The following GABRG3 variants were observed in gnomAD, a reference collection of about 807,000 sequenced individuals.
GABRG3 encodes gamma-aminobutyric acid type A receptor subunit gamma3.
In GABRG3, 25 loss-of-function variants were observed where a neutral mutation model predicts 48.8. That is an observed-to-expected ratio of 0.51 (90% CI 0.37 to 0.72). The LOEUF is 0.72. GABRG3 is among the 30% of genes least tolerant of loss of function. The pLI is 0.00. For synonymous variants in GABRG3, 227 were observed against 217.6 expected, an observed-to-expected ratio of 1.04 and a Z score of -0.38; for missense variants, 394 against 577.9, an observed-to-expected ratio of 0.68 and a Z score of 3.26.
At chr15:27,354,201 A>C (rs1894755144) in intron 5 of GABRG3, among the ~76,000 whole-genome samples, 1 of 152,210 alleles carries the variant, frequency 6.6e-6, no homozygotes, top group South Asian at 2.1e-4. Context: ...CCCAGGTAGC[A>C]TGGTGAGCTA....
At chr15:27,500,594 C>A (rs1017346755) in intron 6 of GABRG3, among the ~76,000 whole-genome samples, 1 of 152,228 alleles carries the variant, frequency 6.6e-6, no homozygotes, top group African/African-American at 2.4e-5. Flanking sequence ...CTTATATTCC[C>A]AGCCCCTAAG....
chr15:27,041,270 C>T (rs1194401621), intron 3 of GABRG3, among the ~76,000 whole-genome samples: 1 of 152,160 alleles, frequency 6.6e-6, no homozygotes, highest in Admixed American at 6.5e-5. Context: ...GCAACCTCCT[C>T]CTCCCAGACT....
intron 5 of GABRG3, among the ~76,000 whole-genome samples, chr15:27,343,526 T>G (rs1894262110): frequency 6.6e-6 from 1 of 152,222 alleles, no homozygotes; most frequent in Admixed American, 6.5e-5. Flanking sequence ...ATGTCTCCTG[T>G]GGGCTACTGA....
chr15:27,308,279 A>G (rs1409857365), intron 3 of GABRG3, among the ~76,000 whole-genome samples: 1 of 137,748 alleles, frequency 7.3e-6, no homozygotes, highest in Non-Finnish European at 1.5e-5. Context: ...CATAATATAA[A>G]CATACGTTTA....
intron 5 of GABRG3, among the ~76,000 whole-genome samples, chr15:27,478,617 T>C (rs1890019020): frequency 6.6e-6 from 1 of 152,206 alleles, no homozygotes; most frequent in African/African-American, 2.4e-5. Flanking sequence ...TAAATGTAGT[T>C]ACCCAGACTC....
At chr15:27,501,942 T>C (rs11074285) in intron 6 of GABRG3, among the ~76,000 whole-genome samples, 96,125 of 151,956 alleles carry the variant, frequency 0.63, 30,744 homozygotes, top group African/African-American at 0.69. Flanking sequence ...GAGTCTTGCA[T>C]ACCCATGTTG....
intron 3 of GABRG3, among the ~76,000 whole-genome samples, chr15:27,055,969 A>T (rs140846398): frequency 6.6e-5 from 10 of 152,350 alleles, no homozygotes; most frequent in African/African-American, 2.4e-4. Context: ...ACTTTGATAC[A>T]TGTATACATT....
At chr15:27,277,418 G>A (rs1341352762) in intron 3 of GABRG3, among the ~76,000 whole-genome samples, 1 of 152,136 alleles carries the variant, frequency 6.6e-6, no homozygotes, top group Non-Finnish European at 1.5e-5. Context: ...GTACAAACTA[G>A]TTTATATTGT....
chr15:27,330,697 A>G (rs1456156251), intron 5 of GABRG3, among the ~76,000 whole-genome samples: 2 of 152,256 alleles, frequency 1.3e-5, no homozygotes, highest in Non-Finnish European at 2.9e-5. Context: ...AAATTCTTAA[A>G]GACAATTCAC....
At position 27,228,379 on chromosome 15, in the gene GABRG3, C is replaced by T. The variant is rs780194210; in HGVS notation, c.271-98430C>T. 1.1e-3 allele frequency among the ~76,000 whole-genome samples: 161 copies of T among 152,232 alleles called. 1 individual carries two copies. The highest frequency in any genetic ancestry group is 2.0e-3 in the Non-Finnish European group (134 of 68,014). On this transcript the variant is annotated intron_variant, in intron 3 of 9. Coordinates refer to ENST00000615808, the MANE Select transcript of GABRG3 (RefSeq NM_033223.5). ...TAGCCTCCAGCTCCATGCATGTTCC[C>T]GCAAAAGACATGTTCTCATTCTTTT... is the stretch of plus-strand genomic sequence containing the variant.
In GABRG3 at chr15:27,135,571, C is replaced by A. The variant is rs564517807; in HGVS notation, c.270+108750C>A. ...TTGTATGAGCTAGGGCAAATAATGT[C>A]AAATTTTTAGCACTGACTTGAGGGT... On this transcript the variant is annotated intron_variant, in intron 3 of 9. Transcript: ENST00000615808. 4.6e-5 allele frequency among the ~76,000 whole-genome samples: 7 copies of A among 152,206 alleles called. No individual in the cohort carries two copies. The South Asian group carries it at 1.5e-3, about 32-fold the overall frequency.
intron 3 of GABRG3, among the ~76,000 whole-genome samples, chr15:27,256,899 G>A (rs1890638008): frequency 6.6e-6 from 1 of 152,188 alleles, no homozygotes; most frequent in Non-Finnish European, 1.5e-5. Flanking sequence ...GACGTCTCCT[G>A]GACATACTGA....
Position 27,349,144 on chromosome 15 carries a change from G to A in GABRG3, c.574+20256G>A, listed in dbSNP as rs534893655. ...TGACTTCAGTATTTGATGTTCATATGATTGGATAATGATAAAATAAGTTGC... is the reference window on the plus strand; with the variant it reads ...TGACTTCAGTATTTGATGTTCATATAATTGGATAATGATAAAATAAGTTGC... On this transcript the variant is annotated intron_variant, in intron 5 of 9. Coordinates refer to ENST00000615808, the MANE Select transcript of GABRG3 (RefSeq NM_033223.5). Among the ~76,000 whole-genome samples the A allele has an allele frequency of 2.0e-5, 3 of 152,234 alleles. No homozygotes were observed. In the South Asian group the frequency reaches 6.2e-4, roughly 32 times the overall value.
At chr15:27,313,302 A>ATATATATATATATATATATATG in intron 3 of GABRG3, among the ~76,000 whole-genome samples, 1 of 116,660 alleles carries the variant, frequency 8.6e-6, no homozygotes, top group South Asian at 2.9e-4. Flanking sequence ...ATATATATAT[A>ATATATATATATATATATATATG]TATATATACC....
intron 3 of GABRG3, among the ~76,000 whole-genome samples, chr15:27,227,877 T>C (rs1394507227): frequency 4.6e-5 from 7 of 152,232 alleles, no homozygotes; most frequent in African/African-American, 1.7e-4. Context: ...ATCATCTTGA[T>C]ACATCACATG....
intron 2 of GABRG3, among the ~76,000 whole-genome samples, chr15:26,988,408 A>G (rs529820918): frequency 2.6e-5 from 4 of 152,186 alleles, no homozygotes; most frequent in Non-Finnish European, 4.4e-5. Context: ...ACCTAGCAAC[A>G]TTCTTTGCTA....
At chr15:27,501,118 AT>A (rs1251219798) in intron 6 of GABRG3, among the ~76,000 whole-genome samples, 1 of 151,824 alleles carries the variant, frequency 6.6e-6, no homozygotes, top group Admixed American at 6.6e-5. Context: ...CGCCCAGCAA[AT>A]TTTTTGTATT....
chr15:27,308,127 TAAACATATATGTTTATACATCC>T (rs1369793612), intron 3 of GABRG3, among the ~76,000 whole-genome samples: 9 of 126,872 alleles, frequency 7.1e-5, no homozygotes, highest in African/African-American at 2.7e-4. Flanking sequence ...CAAACATATA[TAAACATATATGTTTATACATCC>T]AAACATATAT....
rs549266312 is a variant in GABRG3, at chr15:27,172,349, C to T, written c.270+145528C>T. On this transcript the variant is annotated intron_variant, in intron 3 of 9. Transcript: ENST00000615808. Reference sequence around the variant, plus strand: ...GCTCCTTAGTTCTTAGTGTGCTTGTCACTTAGTGGCTTTCTTGGCTCTAGA... The same window carrying T: ...GCTCCTTAGTTCTTAGTGTGCTTGTTACTTAGTGGCTTTCTTGGCTCTAGA... 2.6e-5 allele frequency among the ~76,000 whole-genome samples: 4 copies of T among 152,202 alleles called. No homozygotes were observed. In the South Asian group the frequency reaches 8.3e-4, roughly 32 times the overall value.
Sources: gnomAD v4.1 joint callset for allele counts (sites outside exome capture counted in the v4.1 genomes callset) on GRCh38, gnomAD v4.1.1 for gene constraint, MANE v1.5 for transcripts, NCBI Gene and HGNC (gene_info 2026-07-23, HGNC 2026-07-21) for gene names.